Variants in KCND3 observed in about 807,000 individuals in gnomAD.
The protein encoded by KCND3 is A-type voltage-gated potassium channel KCND3.
In KCND3, 9 loss-of-function variants were observed where a neutral mutation model predicts 51.1. The observed-to-expected ratio is 0.18, with a 90% confidence interval of 0.11 to 0.31. KCND3 has a LOEUF of 0.31. KCND3 is among the 10% of genes least tolerant of loss of function. The pLI, the probability that KCND3 is intolerant of heterozygous loss-of-function variation, is 1.00. For synonymous variants in KCND3, 349 were observed against 368.0 expected (o/e 0.95, Z 0.59); for missense variants, 526 against 903.8 (o/e 0.58, Z 5.36).
intron 2 of KCND3, among the ~76,000 whole-genome samples, chr1:111,880,682 A>C (rs541202642): frequency 2.6e-5 from 4 of 152,238 alleles, no homozygotes; most frequent in Non-Finnish European, 5.9e-5. Context: ...CTTATGGCTC[A>C]TTTAAACCTT....
intron 2 of KCND3, among the ~76,000 whole-genome samples, chr1:111,842,948 G>C (rs1374652508): frequency 6.6e-6 from 1 of 152,222 alleles, no homozygotes; most frequent in East Asian, 1.9e-4. Context: ...CAAAGATTAT[G>C]CTATGTTTAT....
In KCND3 at chr1:111,879,905, C is replaced by T. The variant is rs145383697; in HGVS notation, c.1107-92799G>A. Among the ~76,000 whole-genome samples the T allele has an allele frequency of 4.8e-3, 737 of 152,306 alleles. 2 individuals are homozygous for T. The highest frequency in any genetic ancestry group is 0.015 in the South Asian group (71 of 4,828). On this transcript the variant is annotated intron_variant, in intron 2 of 7. Transcript: ENST00000302127. ...TGATGGTGTCTGGGTTCAATCCCAG[C>T]TCTAACACTTACTACCTATGAGAGC...
At chr1:111,786,901 G>A (rs768700500) in intron 3 of KCND3, 43 bp downstream of exon 3, 72 of 1,610,040 alleles carry the variant, frequency 4.5e-5, no homozygotes, top group South Asian at 2.4e-4. Flanking sequence ...GTGCTCCCCC[G>A]CATCCTTTAC....
intron 7 of KCND3, 25 bp downstream of exon 7, chr1:111,777,001 G>A (rs767169899): frequency 2.4e-5 from 39 of 1,612,468 alleles, no homozygotes; most frequent in Middle Eastern, 2.0e-4. Flanking sequence ...GAGCCTTTGC[G>A]GGTGATGGGA....
At chr1:111,958,814 G>A (rs907266717) in intron 2 of KCND3, among the ~76,000 whole-genome samples, 7 of 152,126 alleles carry the variant, frequency 4.6e-5, no homozygotes, top group African/African-American at 1.7e-4. Flanking sequence ...GGTTTTCATT[G>A]CCTTCTCTTC....
chr1:111,959,311 T>C (rs1406407551), intron 2 of KCND3, among the ~76,000 whole-genome samples: 1 of 152,182 alleles, frequency 6.6e-6, no homozygotes, highest in Admixed American at 6.5e-5. Context: ...ATTTTCAGGA[T>C]GGAGAGACAA....
At chr1:111,778,578 T>G in intron 5 of KCND3, 86 bp from the exon 6 acceptor site, 4 of 1,275,760 alleles carry the variant, frequency 3.1e-6, no homozygotes, top group Non-Finnish European at 4.6e-6. Flanking sequence ...ATTCAATCTC[T>G]TGATCCCGGC....
At chr1:111,876,144 C>A (rs1669040186) in intron 2 of KCND3, among the ~76,000 whole-genome samples, 1 of 152,260 alleles carries the variant, frequency 6.6e-6, no homozygotes, top group Non-Finnish European at 1.5e-5. Flanking sequence ...GCTAAATCCA[C>A]TCTGCTGAAA....
At position 111,798,487 on chromosome 1, in the gene KCND3, G is replaced by A. The variant is rs112027683; in HGVS notation, c.1107-11381C>T. The stretch of plus-strand genomic sequence containing the variant: ...GTCTATTTCCCCTATTGAAATAAGA[G>A]CAATCTGAGGACAGGGCTTTCTATC... On this transcript the variant is annotated intron_variant, in intron 2 of 7. Coordinates refer to ENST00000302127, the MANE Select transcript of KCND3 (RefSeq NM_001378969.1). Among the ~76,000 whole-genome samples, 1,174 of 152,138 alleles carry A rather than the reference G, an allele frequency of 7.7e-3. 7 individuals carry two copies. Among genetic ancestry groups the A allele is most frequent in the South Asian group, 0.037 (179 of 4,820 alleles).
chr1:111,922,736 G>C (rs1671530295), intron 2 of KCND3, among the ~76,000 whole-genome samples: 1 of 152,210 alleles, frequency 6.6e-6, no homozygotes, highest in Non-Finnish European at 1.5e-5. Flanking sequence ...AGTGAGATTT[G>C]GATTTGAGTT....
intron 2 of KCND3, among the ~76,000 whole-genome samples, chr1:111,821,762 A>G (rs1222907899): frequency 6.6e-6 from 1 of 152,324 alleles, no homozygotes; most frequent in Non-Finnish European, 1.5e-5. Context: ...GCCAGCAGGC[A>G]TGGCCTCCTG....
chr1:111,987,781 C>T (rs571215664), intron 1 of KCND3, among the ~76,000 whole-genome samples: 5 of 152,186 alleles, frequency 3.3e-5, no homozygotes, highest in Admixed American at 1.3e-4. Flanking sequence ...AGGACGTGGA[C>T]GCCTTACAAA....
chr1:111,964,935 G>A (rs1257947815), intron 2 of KCND3, among the ~76,000 whole-genome samples: 2 of 152,058 alleles, frequency 1.3e-5, no homozygotes, highest in East Asian at 3.9e-4. Flanking sequence ...ACCACACCTG[G>A]CAAGCTCTTC....
chr1:111,806,010 G>A (rs1010480673), intron 2 of KCND3, among the ~76,000 whole-genome samples: 1 of 152,188 alleles, frequency 6.6e-6, no homozygotes. Context: ...CCGAAATCCT[G>A]TCTGGCCTTC....
chr1:111,970,056 G>A (rs1271335016), intron 2 of KCND3, among the ~76,000 whole-genome samples: 8 of 147,542 alleles, frequency 5.4e-5, no homozygotes, highest in South Asian at 2.2e-4. Context: ...CACTCTTGTC[G>A]CCCAGGCTGG....
chr1:111,807,216 T>C (rs962026722), intron 2 of KCND3, among the ~76,000 whole-genome samples: 2 of 152,200 alleles, frequency 1.3e-5, no homozygotes, highest in Non-Finnish European at 2.9e-5. Flanking sequence ...AAGTGACATA[T>C]AGTCATGCAT....
intron 2 of KCND3, among the ~76,000 whole-genome samples, chr1:111,788,806 G>A (rs1317313953): frequency 1.3e-5 from 2 of 152,212 alleles, no homozygotes; most frequent in Non-Finnish European, 1.5e-5. Context: ...TTGGGGGAAT[G>A]TTACTCTGGG....
chr1:111,842,232 G>A (rs1667355146), intron 2 of KCND3, among the ~76,000 whole-genome samples: 1 of 152,216 alleles, frequency 6.6e-6, no homozygotes, highest in Non-Finnish European at 1.5e-5. Context: ...TGGTGAGGGT[G>A]GGTCAGTGCT....
At chr1:111,858,486 T>C (rs1171909864) in intron 2 of KCND3, among the ~76,000 whole-genome samples, 1 of 152,206 alleles carries the variant, frequency 6.6e-6, no homozygotes, top group East Asian at 1.9e-4. Flanking sequence ...TTTTTAAAAA[T>C]TAGACTTTTA....
Sources: gnomAD v4.1 joint callset for allele counts (sites outside exome capture counted in the v4.1 genomes callset) on GRCh38, gnomAD v4.1.1 for gene constraint, MANE v1.5 for transcripts, NCBI Gene and HGNC (gene_info 2026-07-23, HGNC 2026-07-21) for gene names.